GRIN1: variants seen among roughly 807,000 people sequenced by gnomAD.
The protein encoded by GRIN1 is glutamate receptor ionotropic, NMDA 1.
Under a neutral mutation model 103.0 loss-of-function variants are expected in GRIN1, and 38 were observed. The observed-to-expected ratio is 0.37, with a 90% CI of 0.28 to 0.48. The LOEUF (loss-of-function observed/expected upper bound fraction) is 0.48. Among genes scored for constraint, GRIN1 ranks in the 20% least tolerant of loss-of-function variants. The pLI is 0.98. For synonymous variants in GRIN1, 544 were observed against 532.7 expected, an observed-to-expected ratio of 1.02 and a Z score of -0.29; for missense variants, 577 against 1,288.9, an observed-to-expected ratio of 0.45 and a Z score of 8.46.
chr9:137,160,907 G>A (rs900372975), intron 8 of GRIN1, 149 bp from the exon 9 acceptor site: 1 of 956,788 alleles, frequency 1.0e-6, no homozygotes, highest in Non-Finnish European at 1.6e-6. Flanking sequence ...CTCCAGAGAG[G>A]GGCAGTGGCC....
intron 10 of GRIN1, 89 bp from the exon 11 acceptor site, chr9:137,161,835 A>C: frequency 7.6e-7 from 1 of 1,322,764 alleles, no homozygotes; most frequent in Admixed American, 2.0e-5. Flanking sequence ...AGACCCCCGG[A>C]GTGCTCTAGG....
At chr9:137,155,455 T>A (rs1833159666) in intron 4 of GRIN1, among the ~76,000 whole-genome samples, 1 of 152,248 alleles carries the variant, frequency 6.6e-6, no homozygotes, top group African/African-American at 2.4e-5. Flanking sequence ...GGGCTGCATT[T>A]CTTTGTGGGC....
intron 4 of GRIN1, among the ~76,000 whole-genome samples, chr9:137,152,780 ACAC>A (rs1832978719): frequency 6.6e-6 from 1 of 152,118 alleles, no homozygotes; most frequent in Non-Finnish European, 1.5e-5. Flanking sequence ...CACACACCAC[ACAC>A]CACATGTGTA....
chr9:137,168,285 T>G lies in GRIN1; in HGVS notation c.*758T>G. ...GCAGCCTGAGCTCCACCCTCCCCTC[T>G]TCTTGCGGCACCGCCCACCCACACC... On this transcript the variant is annotated 3_prime_UTR_variant, in exon 20 of 20. Coordinates refer to ENST00000371561, the MANE Select transcript of GRIN1 (RefSeq NM_007327.4). The G allele has an allele frequency of 4.6e-6, 1 of 218,290 alleles. No homozygotes were observed. Among genetic ancestry groups the G allele is most frequent in the Non-Finnish European group, 9.0e-6 (1 of 110,528 alleles). 13.5% of individuals were successfully genotyped at this position (218,290 alleles called of 1,614,324 possible). A position where few individuals can be genotyped will look rare whatever the true frequency, so the allele number is the denominator to read the frequency against.
chr9:137,164,446 G>A (rs1050090386), intron 18 of GRIN1: 12 of 222,742 alleles, frequency 5.4e-5, no homozygotes, highest in Middle Eastern at 3.3e-3. Context: ...GACAGGGTGG[G>A]CAGTGGGCCT....
intron 4 of GRIN1, among the ~76,000 whole-genome samples, chr9:137,154,269 T>C (rs1357126446): frequency 1.5e-5 from 2 of 135,736 alleles, no homozygotes; most frequent in African/African-American, 2.8e-5. Context: ...GAATTACAGG[T>C]GCAGGCCACC....
Position 137,139,817 on chromosome 9 carries a change from C to A in GRIN1, c.258+73C>A. ...CAACCCCACACCCCCAGTTTCATTC[C>A]ATCCTTTCCGTGCCCCCTTCCTCCC... On this transcript the variant is annotated intron_variant, in intron 1 of 19. Coordinates refer to ENST00000371561, the MANE Select transcript of GRIN1 (RefSeq NM_007327.4). The surrounding 1 kb of genome is among the most constrained non-coding windows in gnomAD (Gnocchi z 7.7). The A allele has an allele frequency of 8.2e-7, 1 of 1,222,192 alleles. No individual in the cohort carries two copies. Among genetic ancestry groups the A allele is most frequent in the Non-Finnish European group, 1.2e-6 (1 of 826,706 alleles). 75.7% of individuals were successfully genotyped at this position (1,222,192 alleles called of 1,614,324 possible). A position where few individuals can be genotyped will look rare whatever the true frequency, so the allele number is the denominator to read the frequency against.
intron 4 of GRIN1, among the ~76,000 whole-genome samples, chr9:137,153,696 C>T (rs1379852458): frequency 6.6e-6 from 1 of 152,172 alleles, no homozygotes; most frequent in South Asian, 2.1e-4. Flanking sequence ...TCACAACACA[C>T]ATGCGCACCA....
At chr9:137,154,486 C>T (rs1316081423) in intron 4 of GRIN1, among the ~76,000 whole-genome samples, 1 of 115,878 alleles carries the variant, frequency 8.6e-6, no homozygotes, top group Non-Finnish European at 1.7e-5. Context: ...TGGAGTCTCA[C>T]TCTGTCACCC....
rs563795121 is a variant in GRIN1 at position 137,143,935 on chromosome 9, G to A, written c.393+1788G>A. ...ACTCCCGGCCATGCCACGGCACTCC[G>A]TGGCAGCTTGAAGCCAGGAAAAGCA... On this transcript the variant is annotated intron_variant, in intron 2 of 19. Coordinates refer to ENST00000371561, the MANE Select transcript of GRIN1 (RefSeq NM_007327.4). Among the ~76,000 whole-genome samples the A allele has an allele frequency of 8.5e-5, 13 of 152,368 alleles. No individual in the cohort carries two copies. The South Asian group carries it at 2.5e-3, about 29-fold the overall frequency.
At chr9:137,154,578 C>T (rs751379045) in intron 4 of GRIN1, among the ~76,000 whole-genome samples, 15 of 151,224 alleles carry the variant, frequency 9.9e-5, no homozygotes, top group East Asian at 1.9e-4. Context: ...CACGGCCTCC[C>T]GAGTAGCTGG....
In GRIN1 at chr9:137,168,721, T is replaced by G; in HGVS notation, c.*1194T>G. 17 of 614,428 alleles carry G rather than the reference T, an allele frequency of 2.8e-5. No individual in the cohort carries two copies. The highest frequency in any genetic ancestry group is 4.1e-5 in the East Asian group (1 of 24,464). The allele number at this position is 614,428 out of a possible 1,614,324, so 38.1% of individuals were successfully genotyped here. ...GCACCGCCCAACCCCCACCTCCCGGTGTATGCAGTGGTGATGCCTAAAGGA... is the reference window on the plus strand; with the variant it reads ...GCACCGCCCAACCCCCACCTCCCGGGGTATGCAGTGGTGATGCCTAAAGGA... On this transcript the variant is annotated 3_prime_UTR_variant, in exon 20 of 20. Coordinates refer to ENST00000371561, the MANE Select transcript of GRIN1 (RefSeq NM_007327.4).
rs138950430 is a variant in GRIN1 at position 137,158,421 on chromosome 9, C to T, written c.1011C>T (p.Arg337=). Reference sequence around the variant, plus strand: ...AGTATGCGGATGGGGTGACTGGTCGCGTGGAGTTCAATGAGGATGGGGACC... The same window carrying T: ...AGTATGCGGATGGGGTGACTGGTCGTGTGGAGTTCAATGAGGATGGGGACC... ...SSKYADGVTG[R]VEFNEDGDRK... Residue 337 remains arginine, a synonymous_variant, in exon 7 of 20, where the codon CGC becomes CGT. Coordinates refer to ENST00000371561, the MANE Select transcript of GRIN1 (RefSeq NM_007327.4). The T allele has an allele frequency of 6.2e-6, 10 of 1,613,388 alleles. No individual in the cohort carries two copies. The highest frequency in any genetic ancestry group is 2.2e-5 in the East Asian group (1 of 44,878).
chr9:137,163,132 A>G, intron 15 of GRIN1, 37 bp from the exon 16 acceptor site: 1 of 1,608,824 alleles, frequency 6.2e-7, no homozygotes, highest in Non-Finnish European at 8.5e-7. Flanking sequence ...CCAGGCTGGC[A>G]GGACCAAGGC....
At chr9:137,153,522 C>G (rs1275606692) in intron 4 of GRIN1, among the ~76,000 whole-genome samples, 1 of 151,732 alleles carries the variant, frequency 6.6e-6, no homozygotes, top group African/African-American at 2.4e-5. Flanking sequence ...TGCACACATG[C>G]CATATACCAC....
chr9:137,144,473 T>C (rs528708645), intron 2 of GRIN1, among the ~76,000 whole-genome samples: 111 of 151,380 alleles, frequency 7.3e-4, no homozygotes, highest in Non-Finnish European at 5.5e-4. Context: ...GCTAATACGG[T>C]GAAACCCCAT....
chr9:137,155,177 TA>T (rs1181125311), intron 4 of GRIN1, among the ~76,000 whole-genome samples: 2 of 152,254 alleles, frequency 1.3e-5, no homozygotes, highest in African/African-American at 4.8e-5. Context: ...GTTTTGCTCC[TA>T]ATCATTCCAC....
Position 137,167,976 on chromosome 9 carries a change from C to A in GRIN1, c.*449C>A, listed in dbSNP as rs200389409. On this transcript the variant is annotated 3_prime_UTR_variant, in exon 20 of 20. Transcript: ENST00000371561. The stretch of plus-strand genomic sequence containing the variant: ...CTGGGCCTCCCGTCCGTCCGCCCGC[C>A]CACCCCGCTGCCTGGCGGGCAGCCC... 7.4e-6 allele frequency: 6 copies of A among 806,638 alleles called. No homozygotes were observed. The Admixed American group carries it at 1.2e-4, about 16-fold the overall frequency. 50.0% of individuals were successfully genotyped at this position (806,638 alleles called of 1,614,324 possible). A position where few individuals can be genotyped will look rare whatever the true frequency, so the allele number is the denominator to read the frequency against.
Position 137,162,747 on chromosome 9 carries a change from C to G in GRIN1, c.2013+8C>G. 1 of 1,602,284 alleles carries G rather than the reference C, an allele frequency of 6.2e-7. No individual in the cohort carries two copies. Among genetic ancestry groups the G allele is most frequent in the Non-Finnish European group, 8.5e-7 (1 of 1,175,166 alleles). On this transcript the variant is annotated splice_region_variant and intron_variant, in intron 14 of 19. Coordinates refer to ENST00000371561, the MANE Select transcript of GRIN1 (RefSeq NM_007327.4). Reference sequence around the variant, plus strand: ...GGCATCAACGACCCTCGGGTGAGGCCTGGCCGGGCTGGGGGAGGGAATGCG... The same window carrying G: ...GGCATCAACGACCCTCGGGTGAGGCGTGGCCGGGCTGGGGGAGGGAATGCG...
Sources: gnomAD v4.1 joint callset for allele counts (sites outside exome capture counted in the v4.1 genomes callset) on GRCh38, gnomAD v4.1.1 for gene constraint, Gnocchi (gnomAD v3.1) non-coding constraint, MANE v1.5 for transcripts, NCBI Gene and HGNC (gene_info 2026-07-23, HGNC 2026-07-21) for gene names.